KCNQ5: variants seen among roughly 807,000 people sequenced by gnomAD.
KCNQ5 encodes the protein potassium voltage-gated channel subfamily Q member 5.
Under a neutral mutation model 98.2 loss-of-function variants are expected in KCNQ5, and 30 were observed. The ratio of observed to expected loss-of-function variants is 0.31; its 90% CI spans 0.23 to 0.41. The LOEUF (loss-of-function observed/expected upper bound fraction) is 0.41. Ranked by LOEUF, KCNQ5 falls within the 10% of genes least tolerant of loss-of-function variation. The probability of loss-of-function intolerance (pLI) is 1.00; values close to 1 mark genes in which losing one functional copy is unlikely to be tolerated. For missense variants in KCNQ5, 835 were observed against 1,182.5 expected, an observed-to-expected ratio of 0.71 and a Z score of 4.31; for synonymous variants, 458 against 449.4, an observed-to-expected ratio of 1.02 and a Z score of -0.24.
At position 73,195,005 on chromosome 6, in the gene KCNQ5, A is replaced by T; in HGVS notation, c.2390A>T (p.Asn797Ile). Residue 797 changes from asparagine to isoleucine, a missense_variant, in exon 14 of 14, where the codon AAT becomes ATT. By Grantham distance (149) the Asn-to-Ile change is moderately radical. Transcript: ENST00000370398. ...SKENVQVAQS[N>I]LTKDRSMRKS... Reference sequence around the variant, plus strand: ...GAAAATGTTCAGGTTGCACAGTCAAATCTCACCAAGGACCGTTCTATGAGG... The same window carrying T: ...GAAAATGTTCAGGTTGCACAGTCAATTCTCACCAAGGACCGTTCTATGAGG... The T allele has an allele frequency of 6.2e-7, 1 of 1,614,194 alleles. No individual in the cohort carries two copies. Among genetic ancestry groups the T allele is most frequent in the Middle Eastern group, 1.6e-4 (1 of 6,062 alleles).
At chr6:72,954,052 C>A (rs1312549787) in intron 1 of KCNQ5, among the ~76,000 whole-genome samples, 5 of 152,170 alleles carry the variant, frequency 3.3e-5, no homozygotes, top group African/African-American at 1.2e-4. Context: ...GATTCCTTGG[C>A]AATCTTTCAA....
At chr6:72,900,616 A>G (rs2150193859) in intron 1 of KCNQ5, among the ~76,000 whole-genome samples, 1 of 150,110 alleles carries the variant, frequency 6.7e-6, no homozygotes, top group Admixed American at 6.6e-5. Flanking sequence ...ATAAACATGC[A>G]TGTGCAAGTA....
rs1048416606 is a variant in KCNQ5, at chr6:72,967,667, A to G, written c.399-36241A>G. 1.9e-5 allele frequency: 3 copies of G among 154,790 alleles called. No homozygotes were observed. In the East Asian group the frequency reaches 5.8e-4, roughly 30 times the overall value. 9.6% of individuals were successfully genotyped at this position (154,790 alleles called of 1,614,324 possible). A position where few individuals can be genotyped will look rare whatever the true frequency, so the allele number is the denominator to read the frequency against. On this transcript the variant is annotated intron_variant, in intron 1 of 13. Coordinates refer to ENST00000370398, the MANE Select transcript of KCNQ5 (RefSeq NM_019842.4). ...CTAAAAACCATTAAGGTCACTTAAG[A>G]TATCAGTCAGAAGGTGAATAGGATG...
At position 72,859,575 on chromosome 6, in the gene KCNQ5, C is replaced by T. The variant is rs376490995; in HGVS notation, c.399-144333C>T. 5.3e-5 allele frequency among the ~76,000 whole-genome samples: 8 copies of T among 151,440 alleles called. No individual in the cohort carries two copies. The East Asian group carries it at 1.6e-3, about 30-fold the overall frequency. On this transcript the variant is annotated intron_variant, in intron 1 of 13. Transcript: ENST00000370398. ...TTGTGCCTGCTTCCCTCACTTATTC[C>T]AGACTTTTTTTTTCTTTTGGAGCCA...
chr6:72,622,247 A>T lies in KCNQ5; in HGVS notation c.58A>T (p.Ser20Cys). The T allele has an allele frequency of 2.4e-6, 3 of 1,255,596 alleles. No homozygotes were observed. Among genetic ancestry groups the T allele is most frequent in the Non-Finnish European group, 3.0e-6 (3 of 1,003,842 alleles). The allele number at this position is 1,255,596 out of a possible 1,614,324, so 77.8% of individuals were successfully genotyped here. Residue 20 changes from serine (S) to cysteine (C), a missense_variant, in exon 1 of 14, where the codon AGC becomes TGC. Transcript: ENST00000370398. This position sits in a 1 kb window ranked among gnomAD's most constrained non-coding sequence, Gnocchi z 6.0. ...EGGAAGLWVK[S>C]GAAAAAAGGG... ...CGGCGCCGCCGGGCTCTGGGTGAAGAGCGGCGCAGCGGCGGCGGCGGCGGG... is the reference window on the plus strand; with the variant it reads ...CGGCGCCGCCGGGCTCTGGGTGAAGTGCGGCGCAGCGGCGGCGGCGGCGGG...
At chr6:72,780,611 A>T (rs763961938) in intron 1 of KCNQ5, among the ~76,000 whole-genome samples, 46 of 152,200 alleles carry the variant, frequency 3.0e-4, no homozygotes, top group Non-Finnish European at 5.9e-5. Flanking sequence ...CATCTGGGAC[A>T]TAGAGTGACT....
intron 1 of KCNQ5, among the ~76,000 whole-genome samples, chr6:72,960,717 T>C (rs1767300615): frequency 6.6e-6 from 1 of 152,228 alleles, no homozygotes; most frequent in African/African-American, 2.4e-5. Flanking sequence ...TGAGCCACTG[T>C]GCCCAACCCA....
intron 3 of KCNQ5, among the ~76,000 whole-genome samples, chr6:73,069,601 C>A (rs1361139300): frequency 6.6e-6 from 1 of 151,958 alleles, no homozygotes; most frequent in Non-Finnish European, 1.5e-5. Flanking sequence ...AAACAGACTA[C>A]TAGTATAATC....
intron 1 of KCNQ5, among the ~76,000 whole-genome samples, chr6:72,926,520 A>C (rs918772893): frequency 6.6e-6 from 1 of 152,136 alleles, no homozygotes; most frequent in Non-Finnish European, 1.5e-5. Flanking sequence ...TAAGCCTCAA[A>C]TTATATTAAA....
chr6:72,633,566 A>G (rs1342086028), intron 1 of KCNQ5, among the ~76,000 whole-genome samples: 1 of 152,260 alleles, frequency 6.6e-6, no homozygotes, highest in African/African-American at 2.4e-5. Context: ...ATGGAACCAA[A>G]AAAGAACCCG....
intron 10 of KCNQ5, among the ~76,000 whole-genome samples, chr6:73,139,621 A>G (rs1776623862): frequency 6.6e-6 from 1 of 152,180 alleles, no homozygotes; most frequent in Non-Finnish European, 1.5e-5. Flanking sequence ...TCATCACATC[A>G]TTTCCATGAA....
chr6:72,759,982 C>T (rs1582237312), intron 1 of KCNQ5, among the ~76,000 whole-genome samples: 1 of 151,916 alleles, frequency 6.6e-6, no homozygotes, highest in African/African-American at 2.4e-5. Context: ...ATGAGACAAC[C>T]CTTACTAAAA....
At chr6:73,089,352 C>T (rs1048829392) in intron 5 of KCNQ5, among the ~76,000 whole-genome samples, 55 of 152,034 alleles carry the variant, frequency 3.6e-4, no homozygotes, top group African/African-American at 1.3e-3. Context: ...TGTTGATTTT[C>T]GTGGGGTTTT....
At position 72,924,871 on chromosome 6, in the gene KCNQ5, C is replaced by CT. The variant is rs1162684405; in HGVS notation, c.399-79029dup. 3.3e-5 allele frequency among the ~76,000 whole-genome samples: 5 copies of CT among 151,960 alleles called. No homozygotes were observed. The East Asian group carries it at 5.8e-4, about 18-fold the overall frequency. ...CCTCTGGCTGTTCCTCATCTTATTC[C>CT]TTTTTTTTCCTTTTGTTCCCTAAAA... On this transcript the variant is annotated intron_variant, in intron 1 of 13. Transcript: ENST00000370398.
chr6:73,114,891 TTTGGCTTCCCC>T (rs1374613572), intron 7 of KCNQ5, among the ~76,000 whole-genome samples: 3 of 152,204 alleles, frequency 2.0e-5, no homozygotes, highest in African/African-American at 7.2e-5. Context: ...GTCTTGAAAC[TTTGGCTTCCCC>T]TAGTAAAATG....
chr6:73,190,606 T>C lies in KCNQ5; in HGVS notation c.1611T>C (p.Phe537=). ...AATTTCATGTTGCAAAACGGAAGTT[T>C]AAGGAAACATTACGTCCATATGATG... The part of the protein sequence containing the change: ...IMKFHVAKRK[F]KETLRPYDVK... Residue 537 remains phenylalanine (F), a synonymous_variant, in exon 12 of 14, where the codon TTT becomes TTC. Transcript: ENST00000370398. 1.3e-6 allele frequency: 2 copies of C among 1,553,832 alleles called. No homozygotes were observed. Among genetic ancestry groups the C allele is most frequent in the Non-Finnish European group, 8.8e-7 (1 of 1,138,762 alleles).
At chr6:73,004,845 GC>G (rs1205185599) in intron 2 of KCNQ5, among the ~76,000 whole-genome samples, 1 of 152,206 alleles carries the variant, frequency 6.6e-6, no homozygotes, top group Non-Finnish European at 1.5e-5. Flanking sequence ...GTATACAGAA[GC>G]AGGGGGAGGA....
intron 3 of KCNQ5, among the ~76,000 whole-genome samples, chr6:73,042,907 T>C (rs551305337): frequency 1.3e-5 from 2 of 152,240 alleles, no homozygotes; most frequent in Non-Finnish European, 2.9e-5. Context: ...TGCTTTTTTG[T>C]CTTTCTCACT....
intron 1 of KCNQ5, among the ~76,000 whole-genome samples, chr6:72,633,995 T>A (rs2098922562): frequency 6.6e-6 from 1 of 152,126 alleles, no homozygotes; most frequent in Admixed American, 6.5e-5. Flanking sequence ...TTTGACTAAG[T>A]CCCCAAAAGC....
Sources: gnomAD v4.1 joint callset for allele counts (sites outside exome capture counted in the v4.1 genomes callset) on GRCh38, gnomAD v4.1.1 for gene constraint, Gnocchi (gnomAD v3.1) non-coding constraint, MANE v1.5 for transcripts, NCBI Gene and HGNC (gene_info 2026-07-23, HGNC 2026-07-21) for gene names.